Variants in MED14 observed in about 807,000 individuals in gnomAD.
MED14 encodes the protein mediator complex subunit 14.
A neutral mutation model predicts 109.0 loss-of-function variants in MED14; 8 were observed. That is an observed-to-expected ratio of 0.07 (90% CI 0.04 to 0.13). The LOEUF is 0.13. Among genes scored for constraint, MED14 ranks in the 10% least tolerant of loss-of-function variants. The pLI, the probability that MED14 is intolerant of heterozygous loss-of-function variation, is 1.00. For synonymous variants in MED14, 399 were observed against 408.7 expected (o/e 0.98, Z 0.29); for missense variants, 711 against 1,142.4 (o/e 0.62, Z 5.44).
intron 1 of MED14, among the ~76,000 whole-genome samples, chrX:40,732,739 C>T (rs1932120444): frequency 9.0e-6 from 1 of 110,829 alleles, no homozygotes; most frequent in South Asian, 3.8e-4. Flanking sequence ...GACTGTGCCA[C>T]ACTGCACTCC....
chrX:40,713,075 G>A (rs952750078), intron 5 of MED14, 33 bp from the exon 6 acceptor site: 3 of 1,118,179 alleles, frequency 2.7e-6, no homozygotes, highest in South Asian at 4.7e-5. Flanking sequence ...AAAAAGAAGT[G>A]TACTTTGCTA....
chrX:40,716,583 C>T lies in MED14; in HGVS notation c.349-1873G>A, dbSNP rs187802368. Among the ~76,000 whole-genome samples the T allele has an allele frequency of 2.5e-3, 255 of 100,943 alleles. 1 individual carries two copies. Among genetic ancestry groups the T allele is most frequent in the African/African-American group, 9.5e-3 (244 of 25,815 alleles). The allele number at this position is 100,943 out of a possible 115,157, so 87.7% of individuals were successfully genotyped here. On this transcript the variant is annotated intron_variant, in intron 3 of 30. Transcript: ENST00000324817. Reference sequence around the variant, plus strand: ...CCAGTCTGGGTGACAGAATGAGACCCTGTCTCAAAAAAAAAAAAAAACCAC... The same window carrying T: ...CCAGTCTGGGTGACAGAATGAGACCTTGTCTCAAAAAAAAAAAAAAACCAC...
chrX:40,675,071 C>T, intron 22 of MED14, 150 bp downstream of exon 22: 1 of 455,405 alleles, frequency 2.2e-6, no homozygotes, highest in Non-Finnish European at 3.5e-6. Flanking sequence ...AGTCTCCTCG[C>T]CTCCTTCTGT....
intron 28 of MED14, among the ~76,000 whole-genome samples, chrX:40,656,114 TAAAA>T (rs1228321932): frequency 1.8e-5 from 2 of 110,264 alleles, no homozygotes; most frequent in East Asian, 5.5e-4. Flanking sequence ...TTTAAATAAT[TAAAA>T]AAAGGAATCC....
intron 28 of MED14, among the ~76,000 whole-genome samples, chrX:40,658,099 T>G (rs980548239): frequency 1.2e-4 from 12 of 101,808 alleles, no homozygotes; most frequent in Non-Finnish European, 2.0e-4. Flanking sequence ...CGGCCTTTTT[T>G]TGTGTGTGTG....
intron 9 of MED14, among the ~76,000 whole-genome samples, chrX:40,709,764 T>C (rs1338627281): frequency 9.0e-6 from 1 of 111,708 alleles, no homozygotes; most frequent in Non-Finnish European, 1.9e-5. Context: ...CTGATCTAAA[T>C]TATAAAATAT....
intron 10 of MED14, among the ~76,000 whole-genome samples, chrX:40,707,718 T>A (rs1005100179): frequency 2.7e-5 from 3 of 111,796 alleles, no homozygotes; most frequent in Non-Finnish European, 3.8e-5. Context: ...GGCAAATCTA[T>A]AGAGTTAGAA....
At chrX:40,692,663 G>A in intron 14 of MED14, 45 bp downstream of exon 14, 1 of 1,132,917 alleles carries the variant, frequency 8.8e-7, no homozygotes, top group Non-Finnish European at 1.2e-6. Context: ...ACACAACCAA[G>A]TTAACACACA....
chrX:40,705,821 G>A (rs1324595149), intron 10 of MED14, among the ~76,000 whole-genome samples: 4 of 111,526 alleles, frequency 3.6e-5, no homozygotes, highest in African/African-American at 1.3e-4. Context: ...AAGTGCTGAA[G>A]GGTAGAGTAC....
In MED14 at chrX:40,729,326, C is replaced by T. The variant is rs1467130714; in HGVS notation, c.235G>A (p.Val79Met). 1.7e-6 allele frequency: 2 copies of T among 1,190,414 alleles called. No individual in the cohort carries two copies. The highest frequency in any genetic ancestry group is 2.3e-6 in the Non-Finnish European group (2 of 888,415). ...TTTTTTTTCCATACTCACCTTTCCA[C>T]ATCAGATTTCCTTGGCAGTCTAAGA... is the stretch of plus-strand genomic sequence containing the variant. ...LTDLLPRKSD[V>M]ERKIEIVQFA... Residue 79 changes from valine to methionine, a missense_variant, in exon 2 of 31, where the codon GTG becomes ATG. Around this residue, in one of 8 missense-constraint regions of MED14, gnomAD observed 31 missense variants for 79.3 expected, o/e 0.39. Coordinates refer to ENST00000324817, the MANE Select transcript of MED14 (RefSeq NM_004229.4).
At chrX:40,665,764 G>A (rs1363749262) in intron 24 of MED14, among the ~76,000 whole-genome samples, 1 of 111,937 alleles carries the variant, frequency 8.9e-6, no homozygotes, top group Non-Finnish European at 1.9e-5. Flanking sequence ...TGTTTCGAAA[G>A]CTTTAGAATT....
At chrX:40,709,946 A>C in intron 9 of MED14, 33 bp downstream of exon 9, 1 of 1,040,127 alleles carries the variant, frequency 9.6e-7, no homozygotes, top group Non-Finnish European at 1.3e-6. Context: ...ACATTCATTT[A>C]AACCAATATG....
At chrX:40,722,516 G>A (rs1931756809) in intron 3 of MED14, among the ~76,000 whole-genome samples, 1 of 111,661 alleles carries the variant, frequency 9.0e-6, no homozygotes, top group Non-Finnish European at 1.9e-5. Flanking sequence ...TGGCCTTAGA[G>A]AGGAGGCAGA....
At chrX:40,656,452 G>C (rs1336681181) in intron 28 of MED14, among the ~76,000 whole-genome samples, 1 of 112,351 alleles carries the variant, frequency 8.9e-6, no homozygotes, top group African/African-American at 3.2e-5. Flanking sequence ...ACAAGGATGT[G>C]GGAAAAAGCC....
At chrX:40,717,907 T>C (rs1245573200) in intron 3 of MED14, among the ~76,000 whole-genome samples, 1 of 112,239 alleles carries the variant, frequency 8.9e-6, no homozygotes, top group Non-Finnish European at 1.9e-5. Context: ...ACTTAAAACA[T>C]AGTACCCAGA....
rs1173556007 is a variant in MED14, at chrX:40,692,209, T to C, written c.1954A>G (p.Met652Val). ...AHFVAMCDTN[M>V]PFVGLRLELS... is the part of the protein sequence containing the mutation. ...TCCAACCGAAGTCCTACAAATGGCA[T>C]ATTTGTATCACACATAGCGACGAAG... The change falls in exon 15 of 31, where the codon ATG becomes GTG. Residue 652 changes from methionine (M) to valine (V), a missense_variant. By Grantham distance (21) the Met-to-Val change is conservative. Coordinates refer to ENST00000324817, the MANE Select transcript of MED14 (RefSeq NM_004229.4). 8.3e-7 allele frequency: 1 copy of C among 1,207,588 alleles called. No individual in the cohort carries two copies. The highest frequency in any genetic ancestry group is 3.0e-5 in the East Asian group (1 of 33,762).
intron 13 of MED14, among the ~76,000 whole-genome samples, chrX:40,694,050 A>G (rs922858248): frequency 5.4e-5 from 6 of 110,627 alleles, no homozygotes; most frequent in African/African-American, 2.0e-4. Flanking sequence ...GGTGTGTGCC[A>G]CTACACTAGG....
intron 3 of MED14, among the ~76,000 whole-genome samples, chrX:40,723,884 T>A (rs1169398613): frequency 1.8e-5 from 2 of 109,950 alleles, no homozygotes; most frequent in African/African-American, 6.6e-5. Flanking sequence ...AACTCTCTAA[T>A]AAAAAGGCAC....
chrX:40,649,749 A>G lies in MED14; in HGVS notation c.*2057T>C. 3.5e-6 allele frequency: 3 copies of G among 860,478 alleles called. No homozygotes were observed. Among genetic ancestry groups the G allele is most frequent in the Non-Finnish European group, 4.3e-6 (3 of 697,368 alleles). The allele number at this position is 860,478 out of a possible 1,213,427, so 70.9% of individuals were successfully genotyped here. ...AAATGCTAAATGTTTTCAAGCTTTA[A>G]TAAGGTATATATCAATTCCAAGTAC... On this transcript the variant is annotated 3_prime_UTR_variant, in exon 31 of 31. Transcript: ENST00000324817.
Sources: allele counts gnomAD v4.1 joint callset (sites outside exome capture counted in the v4.1 genomes callset), GRCh38; gene constraint gnomAD v4.1.1; regional missense constraint gnomAD v4.1.1; transcripts MANE v1.5; gene names NCBI Gene and HGNC (gene_info 2026-07-23, HGNC 2026-07-21).